The following UBA1 variants were observed in gnomAD, a reference collection of about 807,000 sequenced individuals.
The protein encoded by UBA1 is ubiquitin like modifier activating enzyme 1, also known as ubiquitin-like modifier-activating enzyme 1.
UBA1 carries 4 observed loss-of-function variants against 84.7 expected under a neutral mutation model. The observed-to-expected ratio is 0.05, with a 90% CI of 0.02 to 0.11. The LOEUF (loss-of-function observed/expected upper bound fraction) is 0.11. Among genes scored for constraint, UBA1 ranks in the 10% least tolerant of loss-of-function variants. The pLI is 1.00. For missense variants in UBA1, 513 were observed against 902.8 expected (o/e 0.57, Z 5.53); for synonymous variants, 364 against 362.6 (o/e 1.00, Z -0.04).
chrX:47,197,519 G>C, intron 1 of UBA1: 1 of 754,624 alleles, frequency 1.3e-6, no homozygotes, highest in Non-Finnish European at 1.6e-6. Flanking sequence ...AGAAGACTCA[G>C]TGCCTAGAGG....
At chrX:47,205,817 G>A (rs1602641461) in intron 14 of UBA1, 131 bp from the exon 15 acceptor site, 2 of 780,702 alleles carry the variant, frequency 2.6e-6, no homozygotes, top group Admixed American at 2.8e-5. Context: ...TCATGCCACT[G>A]CATTCCAGCC....
chrX:47,213,983 A>T (rs781862632), intron 23 of UBA1, among the ~76,000 whole-genome samples: 2 of 111,345 alleles, frequency 1.8e-5, no homozygotes, highest in Non-Finnish European at 3.8e-5. Flanking sequence ...TTGAGATCAG[A>T]CTTGGAGGAT....
intron 1 of UBA1, chrX:47,197,267 G>C (rs1471482237): frequency 4.0e-6 from 3 of 754,989 alleles, no homozygotes; most frequent in Non-Finnish European, 4.7e-6. Flanking sequence ...GCGAGTGAAT[G>C]GGGTTCTCTA....
chrX:47,201,924 A>G (rs1936431267), intron 8 of UBA1, among the ~76,000 whole-genome samples: 1 of 111,686 alleles, frequency 9.0e-6, no homozygotes, highest in Admixed American at 9.5e-5. Context: ...GATGGGAAGC[A>G]GAGAAGGTCT....
chrX:47,213,594 G>A (rs1325743639), intron 23 of UBA1, among the ~76,000 whole-genome samples: 4 of 112,401 alleles, frequency 3.6e-5, no homozygotes, highest in Non-Finnish European at 7.5e-5. Context: ...GGCCGGGCGT[G>A]GTGGCTTACG....
chrX:47,212,300 G>T, intron 20 of UBA1, 124 bp from the exon 21 acceptor site: 1 of 517,878 alleles, frequency 1.9e-6, no homozygotes, highest in Non-Finnish European at 3.5e-6. Flanking sequence ...TCTCTCCCAG[G>T]ATGTCTCTCC....
At position 47,202,486 on chromosome X, in the gene UBA1, A is replaced by G. The variant is rs1936453717; in HGVS notation, c.1038A>G (p.Pro346=). The part of the protein sequence containing the change: ...LHQFCAQHGR[P]PRPRNEEDAA... ...AGTTCTGTGCTCAGCATGGCCGGCC[A>G]CCTCGGCCCCGCAATGAGGTGGGTG... Residue 346 remains proline, a synonymous_variant, in exon 10 of 26, where the codon CCA becomes CCG. Transcript: ENST00000335972. 8.3e-7 allele frequency: 1 copy of G among 1,201,555 alleles called. No individual in the cohort carries two copies. Among genetic ancestry groups the G allele is most frequent in the East Asian group, 3.0e-5 (1 of 33,226 alleles).
chrX:47,209,074 G>A, intron 16 of UBA1: 1 of 137,197 alleles, frequency 7.3e-6, no homozygotes, highest in Non-Finnish European at 1.5e-5. Flanking sequence ...TCGGGTGACA[G>A]TGTGAGACTT....
rs782568328 is a variant in UBA1 at position 47,213,791 on chromosome X, C to T, written c.2839-536C>T. ...CTGAGGCAAGAGAATCACTTGAACC[C>T]GGGAGGCGGAGGTTGCAGTGAGCCA... On this transcript the variant is annotated intron_variant, in intron 23 of 25. Transcript: ENST00000335972. Among the ~76,000 whole-genome samples, 11 of 110,296 alleles carry T rather than the reference C, an allele frequency of 1.0e-4. No individual in the cohort carries two copies. The East Asian group carries it at 2.8e-3, about 28-fold the overall frequency.
chrX:47,208,272 C>CCT (rs1556791887), intron 16 of UBA1, among the ~76,000 whole-genome samples: 1 of 106,442 alleles, frequency 9.4e-6, no homozygotes, highest in Non-Finnish European at 1.9e-5. Flanking sequence ...AGTGTCTGTA[C>CCT]GTGTGTGTGT....
At chrX:47,212,676 C>A in intron 21 of UBA1, 95 bp from the exon 22 acceptor site, 1 of 910,569 alleles carries the variant, frequency 1.1e-6, no homozygotes, top group Non-Finnish European at 1.6e-6. Flanking sequence ...CCTTTGTGAT[C>A]TGGGAGAGTC....
intron 1 of UBA1, among the ~76,000 whole-genome samples, chrX:47,195,181 C>T (rs1480300508): frequency 8.9e-6 from 1 of 112,081 alleles, no homozygotes; most frequent in Non-Finnish European, 1.9e-5. Flanking sequence ...CTTCTGCTTT[C>T]AGCCTCCTTG....
rs781847852 is a variant in UBA1, at chrX:47,203,300, C to G, written c.1419+86C>G. Reference sequence around the variant, plus strand: ...GCTTCCTTCGGCATCTCAATGCAACCGGTGGCGCATTCTCTTTGCCATTCT... The same window carrying G: ...GCTTCCTTCGGCATCTCAATGCAACGGGTGGCGCATTCTCTTTGCCATTCT... On this transcript the variant is annotated intron_variant, in intron 13 of 25. Coordinates refer to ENST00000335972, the MANE Select transcript of UBA1 (RefSeq NM_003334.4). 5 of 1,028,859 alleles carry G rather than the reference C, an allele frequency of 4.9e-6. No individual in the cohort carries two copies. The Admixed American group carries it at 1.1e-4, about 23-fold the overall frequency. 84.8% of individuals were successfully genotyped at this position (1,028,859 alleles called of 1,213,427 possible).
intron 8 of UBA1, 80 bp downstream of exon 8, chrX:47,201,690 GAC>G: frequency 9.0e-7 from 1 of 1,106,333 alleles, no homozygotes; most frequent in Non-Finnish European, 1.2e-6. Flanking sequence ...GAAGGGAGAA[GAC>G]ATGGCCCTTG....
intron 13 of UBA1, 30 bp downstream of exon 13, chrX:47,203,244 C>G: frequency 8.3e-7 from 1 of 1,197,804 alleles, no homozygotes; most frequent in South Asian, 1.8e-5. Context: ...GTCTGCTCCC[C>G]TCATCTTGGC....
In UBA1 at chrX:47,214,951, G is replaced by A. The variant is rs782006310; in HGVS notation, c.*22G>A. ...CTGACCCCGTCTGCTCCTCTAGGCT[G>A]GCCCCTTGTCCACCCCTCTCCACAC... On this transcript the variant is annotated 3_prime_UTR_variant, in exon 26 of 26. Coordinates refer to ENST00000335972, the MANE Select transcript of UBA1 (RefSeq NM_003334.4). 1.3e-5 allele frequency: 16 copies of A among 1,207,993 alleles called. No individual in the cohort carries two copies. The highest frequency in any genetic ancestry group is 2.4e-4 in the Middle Eastern group (1 of 4,229).
rs782559448 is a variant in UBA1 at position 47,211,209 on chromosome X, C to T, written c.2448C>T (p.Ser816=). 5 of 1,209,955 alleles carry T rather than the reference C, an allele frequency of 4.1e-6. No homozygotes were observed. Among genetic ancestry groups the T allele is most frequent in the South Asian group, 3.5e-5 (2 of 57,011 alleles). ...KIHVSDQELQ[S]ANASVDDSRL... ...ATGTTTCTGACCAGGAGCTGCAGAG[C>T]GCCAATGCCTCTGTTGGTGAGGGTG... Residue 816 remains serine (S), a synonymous_variant, in exon 20 of 26, where the codon AGC becomes AGT. Coordinates refer to ENST00000335972, the MANE Select transcript of UBA1 (RefSeq NM_003334.4).
At chrX:47,198,343 C>T in intron 1 of UBA1, 1 of 943,706 alleles carries the variant, frequency 1.1e-6, no homozygotes, top group South Asian at 2.0e-5. Flanking sequence ...ATCTCGATAA[C>T]CCCGTGGGGA....
chrX:47,205,489 C>T (rs373271806), intron 14 of UBA1: 11 of 344,238 alleles, frequency 3.2e-5, no homozygotes, highest in African/African-American at 1.1e-4. Context: ...TGTCACAGAC[C>T]GTCTCTCCTG....
Sources: allele counts gnomAD v4.1 joint callset (sites outside exome capture counted in the v4.1 genomes callset), GRCh38; gene constraint gnomAD v4.1.1; transcripts MANE v1.5; gene names NCBI Gene and HGNC (gene_info 2026-07-23, HGNC 2026-07-21).